The following F2R variants were observed in gnomAD, a reference collection of about 807,000 sequenced individuals.
The protein encoded by F2R is proteinase-activated receptor 1.
A neutral mutation model predicts 18.3 loss-of-function variants in F2R; 12 were observed. The observed-to-expected ratio is 0.66, with a 90% CI of 0.42 to 1.06. The LOEUF (loss-of-function observed/expected upper bound fraction) is 1.06. Among genes scored for constraint, F2R ranks in the 50% least tolerant of loss-of-function variants. The pLI is 0.00. For synonymous variants in F2R, 210 were observed against 219.9 expected, an observed-to-expected ratio of 0.95 and a Z score of 0.40; for missense variants, 438 against 530.8, an observed-to-expected ratio of 0.83 and a Z score of 1.72.
In F2R at chr5:76,716,320, C is replaced by A. The variant is rs376593244; in HGVS notation, c.13C>A (p.Arg5=). MGPR[R]LLLVAACFSL... ...AGAGCCCGGGACAATGGGGCCGCGG[C>A]GGCTGCTGCTGGTGGCCGCCTGCTT... The change falls in exon 1 of 2, where the codon CGG becomes AGG. Residue 5 remains arginine (R), a synonymous_variant. Transcript: ENST00000319211. The A allele has an allele frequency of 1.7e-5, 24 of 1,415,522 alleles. No homozygotes were observed. The highest frequency in any genetic ancestry group is 2.0e-5 in the Non-Finnish European group (22 of 1,087,604). The allele number at this position is 1,415,522 out of a possible 1,614,324, so 87.7% of individuals were successfully genotyped here. A position where few individuals can be genotyped will look rare whatever the true frequency, so the allele number is the denominator to read the frequency against.
intron 1 of F2R, among the ~76,000 whole-genome samples, chr5:76,730,164 CT>C (rs1748644164): frequency 1.3e-5 from 2 of 151,696 alleles, no homozygotes; most frequent in Non-Finnish European, 2.9e-5. Flanking sequence ...GCAGCAGACT[CT>C]TTCTCTCTTG....
In F2R at chr5:76,716,545, C is replaced by G. The variant is rs186204177; in HGVS notation, c.88+150C>G. ...GCTGAGATCTGGAGTTTTTTCCAGT[C>G]ACGTTTAGGTGGGGCGTGCCACCCC... is the stretch of plus-strand genomic sequence containing the variant. On this transcript the variant is annotated intron_variant, in intron 1 of 1. Coordinates refer to ENST00000319211, the MANE Select transcript of F2R (RefSeq NM_001992.5). 4.6e-4 allele frequency: 347 copies of G among 747,544 alleles called. 4 individuals carry two copies. In the Middle Eastern group the frequency reaches 0.018, roughly 39 times the overall value. 46.3% of individuals were successfully genotyped at this position (747,544 alleles called of 1,614,324 possible).
Position 76,734,257 on chromosome 5 carries a change from G to C in F2R, c.*754G>C, listed in dbSNP as rs1006313900. 16 of 152,352 alleles carry C rather than the reference G, an allele frequency of 1.1e-4. 1 individual carries two copies. The highest frequency in any genetic ancestry group is 9.8e-4 in the Admixed American group (15 of 15,276). 9.4% of individuals were successfully genotyped at this position (152,352 alleles called of 1,614,324 possible). On this transcript the variant is annotated 3_prime_UTR_variant, in exon 2 of 2. Transcript: ENST00000319211. ...TAGTGAATGTAGGCTGGCTTTCAGA[G>C]TAGGCTATTCCTGAGAGCTGCATGT...
Position 76,733,550 on chromosome 5 carries a change from A to G in F2R, c.*47A>G, listed in dbSNP as rs1290004718. On this transcript the variant is annotated 3_prime_UTR_variant, in exon 2 of 2. Coordinates refer to ENST00000319211, the MANE Select transcript of F2R (RefSeq NM_001992.5). ...TAAAAAGAAAAGTTTATAAAAGTGA[A>G]TAACCTGAGGATTCTATTAGTCCCC... 6.9e-7 allele frequency: 1 copy of G among 1,457,446 alleles called. No homozygotes were observed. Among genetic ancestry groups the G allele is most frequent in the Non-Finnish European group, 9.3e-7 (1 of 1,080,276 alleles). 90.3% of individuals were successfully genotyped at this position (1,457,446 alleles called of 1,614,324 possible).
At chr5:76,721,291 C>A (rs181612069) in intron 1 of F2R, among the ~76,000 whole-genome samples, 45 of 152,286 alleles carry the variant, frequency 3.0e-4, no homozygotes, top group Non-Finnish European at 8.8e-5. Flanking sequence ...CGATTTCTTT[C>A]ATTCTGCCTT....
chr5:76,720,429 C>T (rs58917246), intron 1 of F2R, among the ~76,000 whole-genome samples: 16 of 151,782 alleles, frequency 1.1e-4, no homozygotes, highest in Non-Finnish European at 2.1e-4. Flanking sequence ...GTGGGAGAGA[C>T]GCTGTCTTCA....
At chr5:76,728,685 CTTT>C (rs763418437) in intron 1 of F2R, among the ~76,000 whole-genome samples, 2 of 90,530 alleles carry the variant, frequency 2.2e-5, no homozygotes, top group Admixed American at 1.4e-4. Context: ...ACATCCTGGT[CTTT>C]TTTTTTTTTT....
intron 1 of F2R, among the ~76,000 whole-genome samples, chr5:76,717,270 C>T (rs1180894024): frequency 6.6e-6 from 1 of 152,182 alleles, no homozygotes; most frequent in Non-Finnish European, 1.5e-5. Context: ...TATCCCTTTC[C>T]CCAAGAGCAG....
intron 1 of F2R, among the ~76,000 whole-genome samples, chr5:76,718,522 C>T (rs1017697765): frequency 6.6e-6 from 1 of 152,242 alleles, no homozygotes; most frequent in African/African-American, 2.4e-5. Context: ...GCCCTGACCA[C>T]CAAGCTGAGC....
intron 1 of F2R, among the ~76,000 whole-genome samples, chr5:76,731,004 A>G (rs944009366): frequency 6.6e-6 from 1 of 152,144 alleles, no homozygotes; most frequent in African/African-American, 2.4e-5. Context: ...CCTTCCAGGA[A>G]CCTCCATGTG....
At chr5:76,722,962 AAAG>A (rs1367242975) in intron 1 of F2R, among the ~76,000 whole-genome samples, 1 of 151,580 alleles carries the variant, frequency 6.6e-6, no homozygotes, top group Non-Finnish European at 1.5e-5. Context: ...AAAAAAAAAA[AAAG>A]AATTTTGTCT....
At chr5:76,716,597 T>C in intron 1 of F2R, 1 of 708,112 alleles carries the variant, frequency 1.4e-6, no homozygotes, top group Non-Finnish European at 2.5e-6. Context: ...GATGCCCCTT[T>C]GGACTCGATC....
chr5:76,732,203 C>G (rs1748680213), intron 1 of F2R, 111 bp from the exon 2 acceptor site: 3 of 795,630 alleles, frequency 3.8e-6, no homozygotes, highest in East Asian at 2.7e-5. Flanking sequence ...ACCACCCACT[C>G]TCCTAGTAAG....
At position 76,734,470 on chromosome 5, in the gene F2R, T is replaced by A. The variant is rs1748744718; in HGVS notation, c.*967T>A. 1 of 152,200 alleles carries A rather than the reference T, an allele frequency of 6.6e-6. No homozygotes were observed. The highest frequency in any genetic ancestry group is 2.1e-4 in the South Asian group (1 of 4,828). The allele number at this position is 152,200 out of a possible 1,614,324, so 9.4% of individuals were successfully genotyped here. ...GAAACTGGCAAAGCAGAATGTGATA[T>A]CCTAGGAGGTAATGACCATGAAAGA... On this transcript the variant is annotated 3_prime_UTR_variant, in exon 2 of 2. Coordinates refer to ENST00000319211, the MANE Select transcript of F2R (RefSeq NM_001992.5).
At chr5:76,728,944 G>A (rs1748620954) in intron 1 of F2R, among the ~76,000 whole-genome samples, 1 of 152,150 alleles carries the variant, frequency 6.6e-6, no homozygotes, top group South Asian at 2.1e-4. Flanking sequence ...ACCCACCTTG[G>A]CCTCCCAAAG....
In F2R at chr5:76,732,956, T is replaced by C; in HGVS notation, c.731T>C (p.Ile244Thr). 2 of 1,614,114 alleles carry C rather than the reference T, an allele frequency of 1.2e-6. No individual in the cohort carries two copies. Among genetic ancestry groups the C allele is most frequent in the African/African-American group, 1.3e-5 (1 of 75,004 alleles). ...VVPLLLKEQT[I>T]QVPGLNITTC... is the part of the protein sequence containing the mutation. The stretch of plus-strand genomic sequence containing the variant: ...CCTCTGCTCCTCAAGGAGCAAACCA[T>C]CCAGGTGCCCGGGCTCAACATCACT... The change falls in exon 2 of 2, where the codon ATC becomes ACC. Residue 244 changes from isoleucine to threonine, a missense_variant. Transcript: ENST00000319211.
rs538748417 is a variant in F2R at position 76,716,969 on chromosome 5, T to C, written c.88+574T>C. 2.0e-5 allele frequency among the ~76,000 whole-genome samples: 3 copies of C among 152,198 alleles called. No homozygotes were observed. In the East Asian group the frequency reaches 5.8e-4, roughly 29 times the overall value. Reference sequence around the variant, plus strand: ...CAGGAGGTGCGCAGGGTGCGAGATATATGGTGACAATAGCAGAGGCTCCGC... The same window carrying C: ...CAGGAGGTGCGCAGGGTGCGAGATACATGGTGACAATAGCAGAGGCTCCGC... On this transcript the variant is annotated intron_variant, in intron 1 of 1. Coordinates refer to ENST00000319211, the MANE Select transcript of F2R (RefSeq NM_001992.5).
chr5:76,725,538 T>C (rs1748537957), intron 1 of F2R, among the ~76,000 whole-genome samples: 1 of 152,220 alleles, frequency 6.6e-6, no homozygotes, highest in African/African-American at 2.4e-5. Flanking sequence ...AACTCAAATT[T>C]CAGCCTAAGG....
chr5:76,735,425 G>C lies in F2R; in HGVS notation c.*1922G>C, dbSNP rs1748765327. The C allele has an allele frequency of 6.6e-6, 1 of 152,196 alleles. No individual in the cohort carries two copies. The highest frequency in any genetic ancestry group is 1.5e-5 in the Non-Finnish European group (1 of 68,050). 9.4% of individuals were successfully genotyped at this position (152,196 alleles called of 1,614,324 possible). ...GGAGGCGGACCTTGTAGTGAGCCGA[G>C]ATCGCGCCACTGTGCTCCAGCCTGG... On this transcript the variant is annotated 3_prime_UTR_variant, in exon 2 of 2. Transcript: ENST00000319211.
Sources: allele counts gnomAD v4.1 joint callset (sites outside exome capture counted in the v4.1 genomes callset), GRCh38; gene constraint gnomAD v4.1.1; transcripts MANE v1.5; gene names NCBI Gene and HGNC (gene_info 2026-07-23, HGNC 2026-07-21).